Variants in KIF17 observed in about 807,000 individuals in gnomAD.
KIF17 encodes the protein kinesin family member 17.
KIF17 carries 80 observed loss-of-function variants against 96.8 expected under a neutral mutation model. The observed-to-expected ratio is 0.83, with a 90% CI of 0.69 to 1.00. The LOEUF (loss-of-function observed/expected upper bound fraction) is 1.00. KIF17 is among the 50% of genes least tolerant of loss of function. KIF17 has a pLI of 0.00. For missense variants in KIF17, 1,280 were observed against 1,372.9 expected, an observed-to-expected ratio of 0.93 and a Z score of 1.07; for synonymous variants, 567 against 587.5, an observed-to-expected ratio of 0.97 and a Z score of 0.51.
Position 20,690,241 on chromosome 1 carries a change from T to C in KIF17, c.1328A>G (p.Asn443Ser). The C allele has an allele frequency of 6.2e-7, 1 of 1,608,396 alleles. No homozygotes were observed. The highest frequency in any genetic ancestry group is 1.3e-5 in the African/African-American group (1 of 74,602). The stretch of plus-strand genomic sequence containing the variant: ...CGTGGACAGCCTGACGTCATATGAG[T>C]TGCGCATGGCAGTGATGTCTTCCTC... ...RLEEDITAMR[N>S]SYDVRLSTLE... The change falls in exon 7 of 15, where the codon AAC (asparagine) becomes AGC (serine). Residue 443 changes from asparagine (N) to serine (S), a missense_variant. Transcript: ENST00000400463.
intron 11 of KIF17, among the ~76,000 whole-genome samples, chr1:20,681,478 C>T (rs140852414): frequency 6.6e-6 from 1 of 152,048 alleles, no homozygotes; most frequent in East Asian, 2.0e-4. Context: ...AGGCGAGAGC[C>T]ACCGCGCCCA....
chr1:20,717,140 C>T (rs911663813), intron 1 of KIF17, among the ~76,000 whole-genome samples: 3 of 152,178 alleles, frequency 2.0e-5, no homozygotes, highest in African/African-American at 7.2e-5. Context: ...ACCAGCCTGG[C>T]CAACATGGTG....
chr1:20,679,255 A>AC (rs2053788591), intron 11 of KIF17, among the ~76,000 whole-genome samples: 2 of 151,840 alleles, frequency 1.3e-5, no homozygotes, highest in Admixed American at 6.6e-5. Context: ...ACACAGCAAG[A>AC]CCCCCAGGAG....
Position 20,666,324 on chromosome 1 carries a change from TC to T in KIF17, c.2797del (p.Asp933ThrfsTer107), listed in dbSNP as rs1414743843. Reference sequence around the variant, plus strand: ...CCGACTGAGCATGAGCCTGTAGCGGTCGTCCTCCTGCCGAGATGCAGATGCC... The same window carrying T: ...CCGACTGAGCATGAGCCTGTAGCGGTGTCCTCCTGCCGAGATGCAGATGCC... ...ADNGEPNMED[D>X]RYRLMLSRSN... On this transcript the variant is annotated frameshift_variant, in exon 14 of 15. Coordinates refer to ENST00000400463, the MANE Select transcript of KIF17 (RefSeq NM_001122819.3). LOFTEE classifies it high-confidence loss of function. 2 of 1,612,878 alleles carry T rather than the reference TC, an allele frequency of 1.2e-6. No individual in the cohort carries two copies. Among genetic ancestry groups the T allele is most frequent in the African/African-American group, 2.7e-5 (2 of 74,900 alleles).
intron 14 of KIF17, among the ~76,000 whole-genome samples, chr1:20,665,878 A>G (rs1385764826): frequency 6.6e-6 from 1 of 152,160 alleles, no homozygotes; most frequent in Non-Finnish European, 1.5e-5. Context: ...GTGACTCGCC[A>G]GGAAGCTGGC....
rs1327469752 is a variant in KIF17, at chr1:20,687,686, G to T, written c.1640C>A (p.Thr547Asn). 1 of 1,614,206 alleles carries T rather than the reference G, an allele frequency of 6.2e-7. No individual in the cohort carries two copies. Among genetic ancestry groups the T allele is most frequent in the Non-Finnish European group, 8.5e-7 (1 of 1,180,042 alleles). ...CCCAGGGAAAGCCTCGGACACAGAG[G>T]TTTCTTCGAGCGAGGATGACTCACT... ...GSSESSSLEE[T>N]SVSEAFPGPE... Residue 547 changes from threonine to asparagine, a missense_variant, in exon 8 of 15, where the codon ACC (threonine) becomes AAC (asparagine). Transcript: ENST00000400463. This position sits in a 1 kb window ranked among gnomAD's most constrained non-coding sequence, Gnocchi z 4.4.
chr1:20,711,787 A>C (rs1418796288), intron 3 of KIF17, among the ~76,000 whole-genome samples: 2 of 152,194 alleles, frequency 1.3e-5, no homozygotes, highest in Admixed American at 6.5e-5. Flanking sequence ...GCACGGGTTA[A>C]GAGTGTGTGC....
rs567913248 is a variant in KIF17 at position 20,683,724 on chromosome 1, G to C, written c.2232-840C>G. On this transcript the variant is annotated intron_variant, in intron 10 of 14. Transcript: ENST00000400463. ...AGGATGGAGCCCAAGCACCCGAGGA[G>C]GGCACATAGGGTCTTCCCTCTATCT... Among the ~76,000 whole-genome samples the C allele has an allele frequency of 1.2e-4, 19 of 152,080 alleles. No homozygotes were observed. In the East Asian group the frequency reaches 3.1e-3, roughly 25 times the overall value.
At position 20,698,382 on chromosome 1, in the gene KIF17, C is replaced by T. The variant is rs769615623; in HGVS notation, c.1230G>A (p.Arg410=). The change falls in exon 6 of 15, where the codon CGG becomes CGA. Residue 410 remains arginine (R), a synonymous_variant. Coordinates refer to ENST00000400463, the MANE Select transcript of KIF17 (RefSeq NM_001122819.3). ...TTCCCACCCGCTTGGGTCTCACCTC[C>T]CGGATCAGCTGCTTCTCGGCCTCCA... is the stretch of plus-strand genomic sequence containing the variant. ...HDVEAEKQLI[R]EEYEERLARL... is the part of the protein sequence containing the mutation. 2 of 1,612,524 alleles carry T rather than the reference C, an allele frequency of 1.2e-6. No individual in the cohort carries two copies. Among genetic ancestry groups the T allele is most frequent in the Non-Finnish European group, 1.7e-6 (2 of 1,178,896 alleles).
In KIF17 at chr1:20,690,319, A is replaced by C; in HGVS notation, c.1250T>G (p.Leu417Arg). The C allele has an allele frequency of 1.2e-6, 1 of 853,762 alleles. No individual in the cohort carries two copies. The highest frequency in any genetic ancestry group is 1.7e-6 in the Non-Finnish European group (1 of 585,076). 52.9% of individuals were successfully genotyped at this position (853,762 alleles called of 1,614,324 possible). The part of the protein sequence containing the change: ...QLIREEYEER[L>R]ARLKADYKAE... ...CTTATAGTCGGCTTTCAGCCGGGCC[A>C]GGCGCTCTTCATACTCCTGGGGGGG... is the stretch of plus-strand genomic sequence containing the variant. The change falls in exon 7 of 15, where the codon CTG becomes CGG. Residue 417 changes from leucine to arginine, a missense_variant. Physicochemically the swap from Leu to Arg is moderately radical, Grantham distance 102 (BLOSUM62 -2). Coordinates refer to ENST00000400463, the MANE Select transcript of KIF17 (RefSeq NM_001122819.3).
chr1:20,697,498 T>C (rs75434372), intron 6 of KIF17, among the ~76,000 whole-genome samples: 7,919 of 152,242 alleles, frequency 0.052, 283 homozygotes, highest in Admixed American at 0.11. Flanking sequence ...TCCCAGCTAC[T>C]TGGGAAGCTG....
intron 13 of KIF17, among the ~76,000 whole-genome samples, chr1:20,667,188 T>C (rs2154534834): frequency 6.6e-6 from 1 of 152,192 alleles, no homozygotes; most frequent in East Asian, 1.9e-4. Context: ...TATTTGCAGC[T>C]GCTCCCCATC....
Position 20,709,765 on chromosome 1 carries a change from C to G in KIF17, c.544G>C (p.Val182Leu). 6.2e-7 allele frequency: 1 copy of G among 1,614,086 alleles called. No individual in the cohort carries two copies. Among genetic ancestry groups the G allele is most frequent in the East Asian group, 2.2e-5 (1 of 44,882 alleles). The change falls in exon 4 of 15, where the codon GTG (valine) becomes CTG (leucine). Residue 182 changes from valine (V) to leucine (L), a missense_variant. Transcript: ENST00000400463. This position sits in a 1 kb window ranked among gnomAD's most constrained non-coding sequence, Gnocchi z 4.7. The stretch of plus-strand genomic sequence containing the variant: ...TCCATGATGTGCTCACACTGGGCCA[C>G]GCTGTGCACCGTGTGCATGGACAGC... ...KGLSMHTVHS[V>L]AQCEHIMETG...
Position 20,704,777 on chromosome 1 carries a change from G to A in KIF17, c.793C>T (p.Leu265=). The A allele has an allele frequency of 6.2e-7, 1 of 1,611,342 alleles. No homozygotes were observed. Among genetic ancestry groups the A allele is most frequent in the Non-Finnish European group, 8.5e-7 (1 of 1,179,534 alleles). Residue 265 remains leucine, a synonymous_variant, in exon 5 of 15, where the codon CTG becomes TTG. Transcript: ENST00000400463. This position sits in a 1 kb window ranked among gnomAD's most constrained non-coding sequence, Gnocchi z 6.8. ...ACATTGCCCAGTGCCGAGAGCGACA[G>A]GTTGATCTTGGTGGCCTCCTTGAGC... is the stretch of plus-strand genomic sequence containing the variant. The part of the protein sequence containing the change: ...ERLKEATKIN[L]SLSALGNVIS...
Position 20,683,604 on chromosome 1 carries a change from G to A in KIF17, c.2232-720C>T, listed in dbSNP as rs1242729392. Among the ~76,000 whole-genome samples the A allele has an allele frequency of 3.9e-5, 6 of 152,058 alleles. No individual in the cohort carries two copies. In the East Asian group the frequency reaches 5.8e-4, roughly 15 times the overall value. ...CAGGAGGCAGAGGTTGCAGTGAGCC[G>A]AGATCGCACCACTGCACTCCAGCCT... On this transcript the variant is annotated intron_variant, in intron 10 of 14. Coordinates refer to ENST00000400463, the MANE Select transcript of KIF17 (RefSeq NM_001122819.3).
At position 20,704,478 on chromosome 1, in the gene KIF17, C is replaced by T; in HGVS notation, c.1092G>A (p.Leu364=). ...GGCTGCTGGGGCTCATCTGCTGTGTCAGGATGGCCTTGAGCTTCTTGATCT... is the reference window on the plus strand; with the variant it reads ...GGCTGCTGGGGCTCATCTGCTGTGTTAGGATGGCCTTGAGCTTCTTGATCT... ...QEEIKKLKAI[L]TQQMSPSSLS... The change falls in exon 5 of 15, where the codon CTG becomes CTA. Residue 364 remains leucine, a synonymous_variant. Transcript: ENST00000400463. This position sits in a 1 kb window ranked among gnomAD's most constrained non-coding sequence, Gnocchi z 6.8. The T allele has an allele frequency of 6.2e-7, 1 of 1,614,176 alleles. No homozygotes were observed. Among genetic ancestry groups the T allele is most frequent in the South Asian group, 1.1e-5 (1 of 91,074 alleles).
intron 8 of KIF17, chr1:20,686,391 C>G: frequency 1.8e-6 from 1 of 552,504 alleles, no homozygotes. Flanking sequence ...CTGAAGCAAC[C>G]TCATTTTACA....
At chr1:20,663,266 G>A (rs1333192514), downstream of KIF17, among the ~76,000 whole-genome samples, 2 of 152,036 alleles carry the variant, frequency 1.3e-5, no homozygotes, top group African/African-American at 4.8e-5. Flanking sequence ...TGATCTCACC[G>A]GCTCTGACTC....
In KIF17 at chr1:20,704,788, G is replaced by T; in HGVS notation, c.782C>A (p.Thr261Asn). 1 of 1,610,786 alleles carries T rather than the reference G, an allele frequency of 6.2e-7. No homozygotes were observed. The highest frequency in any genetic ancestry group is 8.5e-7 in the Non-Finnish European group (1 of 1,179,606). ...GATGERLKEATKINLSLSALG... is the reference protein window; with the variant it reads ...GATGERLKEANKINLSLSALG... ...TGCCGAGAGCGACAGGTTGATCTTG[G>T]TGGCCTCCTTGAGCCGCTCGCCCGT... Residue 261 changes from threonine to asparagine, a missense_variant, in exon 5 of 15, where the codon ACC becomes AAC. Thr to Asn is a moderately conservative substitution (Grantham distance 65). Coordinates refer to ENST00000400463, the MANE Select transcript of KIF17 (RefSeq NM_001122819.3). This position sits in a 1 kb window ranked among gnomAD's most constrained non-coding sequence, Gnocchi z 6.8.
Sources: allele counts gnomAD v4.1 joint callset (sites outside exome capture counted in the v4.1 genomes callset), GRCh38; gene constraint gnomAD v4.1.1; non-coding constraint Gnocchi (gnomAD v3.1); transcripts MANE v1.5; gene names NCBI Gene and HGNC (gene_info 2026-07-23, HGNC 2026-07-21).